RYR3: variants seen among roughly 807,000 people sequenced by gnomAD.
The protein encoded by RYR3 is ryanodine receptor 3.
RYR3 carries 207 observed loss-of-function variants against 584.3 expected under a neutral mutation model. The observed-to-expected ratio is 0.35, with a 90% confidence interval of 0.32 to 0.40. RYR3 has a LOEUF of 0.40. Among genes scored for constraint, RYR3 ranks in the 10% least tolerant of loss-of-function variants. The probability of loss-of-function intolerance (pLI) is 1.00; values close to 1 mark genes in which losing one functional copy is unlikely to be tolerated. For synonymous variants in RYR3, 2,416 were observed against 2,248.5 expected, an observed-to-expected ratio of 1.07 and a Z score of -2.11; for missense variants, 5,616 against 6,089.2, an observed-to-expected ratio of 0.92 and a Z score of 2.59.
chr15:33,635,678 T>C lies in RYR3; in HGVS notation c.3240T>C (p.Tyr1080=), dbSNP rs11857026. 150 of 1,614,008 alleles carry C rather than the reference T, an allele frequency of 9.3e-5. No homozygotes were observed. The African/African-American group carries it at 1.5e-3, about 17-fold the overall frequency. The change falls in exon 26 of 104, where the codon TAT becomes TAC. Residue 1080 remains tyrosine, a synonymous_variant. Coordinates refer to ENST00000634891, the MANE Select transcript of RYR3 (RefSeq NM_001036.6). ...KIRFFRVERS[Y]AVRSGKWYFE... ...GATTTTTCCGGGTAGAGCGATCTTA[T>C]GCAGTGAGATCTGGAAAGTGGTATT...
intron 10 of RYR3, 77 bp downstream of exon 10, chr15:33,550,393 G>A: frequency 2.2e-6 from 3 of 1,391,108 alleles, no homozygotes; most frequent in Non-Finnish European, 2.9e-6. Flanking sequence ...ACTATAACTG[G>A]AAAAGAAAGT....
intron 77 of RYR3, among the ~76,000 whole-genome samples, chr15:33,820,069 G>A (rs1168496227): frequency 6.6e-6 from 1 of 152,204 alleles, no homozygotes; most frequent in Non-Finnish European, 1.5e-5. Context: ...GCTAAATGGG[G>A]CTTAGGCATA....
At chr15:33,592,342 G>A (rs1282388721) in intron 16 of RYR3, among the ~76,000 whole-genome samples, 6 of 152,144 alleles carry the variant, frequency 3.9e-5, no homozygotes, top group Admixed American at 1.3e-4. Flanking sequence ...CAGTAATTTC[G>A]GAGTGGGACT....
At chr15:33,629,053 A>G (rs902915149) in intron 21 of RYR3, among the ~76,000 whole-genome samples, 1 of 152,222 alleles carries the variant, frequency 6.6e-6, no homozygotes, top group African/African-American at 2.4e-5. Context: ...GAAGCTTCCT[A>G]TAACGCCAAC....
chr15:33,632,054 C>T (rs1252756507), intron 23 of RYR3, among the ~76,000 whole-genome samples: 1 of 152,238 alleles, frequency 6.6e-6, no homozygotes, highest in Non-Finnish European at 1.5e-5. Context: ...CAGGACACAA[C>T]AGTCAGTGCA....
At position 33,738,368 on chromosome 15, in the gene RYR3, T is replaced by C. The variant is rs2069715331; in HGVS notation, c.7516-82T>C. The C allele has an allele frequency of 5.7e-6, 8 of 1,397,686 alleles. No homozygotes were observed. The East Asian group carries it at 9.9e-5, about 17-fold the overall frequency. 86.6% of individuals were successfully genotyped at this position (1,397,686 alleles called of 1,614,324 possible). Reference sequence around the variant, plus strand: ...CATTCTCATGGTCTCTGCTTACTACTTGATTCTCTCCTGCATGTTTTTGAT... The same window carrying C: ...CATTCTCATGGTCTCTGCTTACTACCTGATTCTCTCCTGCATGTTTTTGAT... On this transcript the variant is annotated intron_variant, in intron 49 of 103. Coordinates refer to ENST00000634891, the MANE Select transcript of RYR3 (RefSeq NM_001036.6).
At chr15:33,536,952 T>C (rs2055383331) in intron 5 of RYR3, among the ~76,000 whole-genome samples, 1 of 152,192 alleles carries the variant, frequency 6.6e-6, no homozygotes, top group Non-Finnish European at 1.5e-5. Context: ...AATTTTGCTT[T>C]TATTTCACTC....
chr15:33,720,831 G>A (rs2067850910), intron 43 of RYR3, among the ~76,000 whole-genome samples: 2 of 151,978 alleles, frequency 1.3e-5, no homozygotes, highest in African/African-American at 4.8e-5. Context: ...CTGAGATCAT[G>A]CCACTGTACT....
At chr15:33,549,630 T>C (rs2056522821) in intron 9 of RYR3, among the ~76,000 whole-genome samples, 2 of 152,354 alleles carry the variant, frequency 1.3e-5, no homozygotes, top group South Asian at 2.1e-4. Flanking sequence ...GCTTTACTTA[T>C]TTTCCATAGA....
intron 52 of RYR3, 141 bp from the exon 53 acceptor site, chr15:33,745,927 T>G: frequency 1.5e-6 from 1 of 659,826 alleles, no homozygotes; most frequent in Non-Finnish European, 2.8e-6. Flanking sequence ...AAAAGATCAA[T>G]TAGGCATTTT....
chr15:33,837,882 G>A lies in RYR3; in HGVS notation c.11902G>A (p.Ala3968Thr), dbSNP rs577747200. The A allele has an allele frequency of 6.2e-7, 1 of 1,613,900 alleles. No homozygotes were observed. Among genetic ancestry groups the A allele is most frequent in the African/African-American group, 1.3e-5 (1 of 74,928 alleles). Residue 3968 changes from alanine to threonine, a missense_variant, in exon 89 of 104, where the codon GCT becomes ACT. Ala to Thr is a moderately conservative substitution (Grantham distance 58). Transcript: ENST00000634891. ...EIDFLLSCAE[A>T]DENDMFNYVD... ...TGACTTTCTCCTGTCGTGTGCAGAA[G>A]CTGATGAGAATGACATGTTTAATTA...
Position 33,865,616 on chromosome 15 carries a change from A to G in RYR3, c.*390A>G, listed in dbSNP as rs545456412. The G allele has an allele frequency of 1.4e-4, 22 of 156,718 alleles. 1 individual carries two copies. The South Asian group carries it at 3.2e-3, about 23-fold the overall frequency. 9.7% of individuals were successfully genotyped at this position (156,718 alleles called of 1,614,324 possible). On this transcript the variant is annotated 3_prime_UTR_variant, in exon 104 of 104. Coordinates refer to ENST00000634891, the MANE Select transcript of RYR3 (RefSeq NM_001036.6). ...CACTTGAATGTCATCATGGTATCCA[A>G]CTTGTGACTCATAGGGTCTGAACTC... is the stretch of plus-strand genomic sequence containing the variant.
intron 23 of RYR3, among the ~76,000 whole-genome samples, chr15:33,632,633 G>T (rs565758979): frequency 3.2e-4 from 48 of 152,314 alleles, no homozygotes; most frequent in Admixed American, 1.0e-3. Flanking sequence ...TGGTAATGTT[G>T]CAGCATGCTG....
intron 38 of RYR3, among the ~76,000 whole-genome samples, chr15:33,674,921 A>C (rs879604798): frequency 6.6e-6 from 1 of 152,136 alleles, no homozygotes; most frequent in Non-Finnish European, 1.5e-5. Flanking sequence ...GGAAAAAAAA[A>C]AAAAAAAGAG....
intron 67 of RYR3, among the ~76,000 whole-genome samples, chr15:33,794,532 AG>A (rs1364784383): frequency 6.6e-6 from 1 of 151,700 alleles, no homozygotes; most frequent in Non-Finnish European, 1.5e-5. Flanking sequence ...AAGTAGAGTA[AG>A]GTTGCTCCTG....
intron 12 of RYR3, among the ~76,000 whole-genome samples, chr15:33,571,161 G>A (rs951406530): frequency 6.6e-6 from 1 of 151,396 alleles, no homozygotes; most frequent in Non-Finnish European, 1.5e-5. Flanking sequence ...TAAGGTGGGG[G>A]TGGGGACAGG....
At chr15:33,461,942 A>G (rs1180519522) in intron 1 of RYR3, among the ~76,000 whole-genome samples, 1 of 152,180 alleles carries the variant, frequency 6.6e-6, no homozygotes, top group Non-Finnish European at 1.5e-5. Flanking sequence ...ATCCAATACC[A>G]TAAAACAAAT....
chr15:33,725,180 C>CACACATATATACACACACACATATAT, intron 45 of RYR3, among the ~76,000 whole-genome samples: 1 of 143,896 alleles, frequency 6.9e-6, no homozygotes, highest in South Asian at 2.6e-4. Flanking sequence ...CACACACACA[C>CACACATATATACACACACACATATAT]ACACACACAC....
chr15:33,318,520 C>T (rs886995809), intron 1 of RYR3, among the ~76,000 whole-genome samples: 5 of 152,174 alleles, frequency 3.3e-5, no homozygotes, highest in African/African-American at 1.2e-4. Context: ...AAGGTGAGAG[C>T]ACATGAGGGC....
Sources: allele counts gnomAD v4.1 joint callset (sites outside exome capture counted in the v4.1 genomes callset), GRCh38; gene constraint gnomAD v4.1.1; transcripts MANE v1.5; gene names NCBI Gene and HGNC (gene_info 2026-07-23, HGNC 2026-07-21).